The following GLIS1 variants were observed in gnomAD, a reference collection of about 807,000 sequenced individuals.
GLIS1 encodes the protein zinc finger protein GLIS1.
Under a neutral mutation model 63.8 loss-of-function variants are expected in GLIS1, and 24 were observed. The observed-to-expected ratio is 0.38, with a 90% CI of 0.27 to 0.53. GLIS1 has a LOEUF of 0.53. Ranked by LOEUF, GLIS1 falls within the 20% of genes least tolerant of loss-of-function variation. The pLI, the probability that GLIS1 is intolerant of heterozygous loss-of-function variation, is 0.85. For missense variants in GLIS1, 1,036 were observed against 1,074.1 expected, an observed-to-expected ratio of 0.96 and a Z score of 0.50; for synonymous variants, 450 against 482.5, an observed-to-expected ratio of 0.93 and a Z score of 0.88.
chr1:53,626,824 A>G (rs1645599199), intron 2 of GLIS1, among the ~76,000 whole-genome samples: 1 of 152,266 alleles, frequency 6.6e-6, no homozygotes. Context: ...GCCTGCAGAC[A>G]GAGCTGTGGC....
chr1:53,726,293 AG>A (rs1646805252), intron 2 of GLIS1, among the ~76,000 whole-genome samples: 1 of 152,148 alleles, frequency 6.6e-6, no homozygotes, highest in African/African-American at 2.4e-5. Context: ...CACATCATTT[AG>A]CTTCTCCAGG....
chr1:53,507,714 T>C (rs1644249870), intron 10 of GLIS1, among the ~76,000 whole-genome samples: 1 of 151,788 alleles, frequency 6.6e-6, no homozygotes, highest in Non-Finnish European at 1.5e-5. Flanking sequence ...GGGCCTGGAG[T>C]GGGCACTGGG....
At chr1:53,735,182 GA>G (rs1185031283) in intron 2 of GLIS1, among the ~76,000 whole-genome samples, 1 of 152,186 alleles carries the variant, frequency 6.6e-6, no homozygotes, top group African/African-American at 2.4e-5. Flanking sequence ...CAAAAGACCT[GA>G]AGCTTGGCAC....
At chr1:53,548,324 C>T (rs1431126339) in intron 4 of GLIS1, among the ~76,000 whole-genome samples, 3 of 152,226 alleles carry the variant, frequency 2.0e-5, no homozygotes, top group Non-Finnish European at 4.4e-5. Context: ...CCGGTCTGCA[C>T]ACAGCACTGA....
At chr1:53,686,119 C>A (rs72896795) in intron 2 of GLIS1, among the ~76,000 whole-genome samples, 1 of 152,180 alleles carries the variant, frequency 6.6e-6, no homozygotes. Context: ...ATCTCTCCCA[C>A]CAGACTGCAA....
intron 2 of GLIS1, among the ~76,000 whole-genome samples, chr1:53,710,148 G>C (rs181022986): frequency 1.3e-5 from 2 of 152,310 alleles, no homozygotes; most frequent in East Asian, 3.9e-4. Context: ...AGAATCCAGG[G>C]TGCTGCCCTA....
intron 2 of GLIS1, among the ~76,000 whole-genome samples, chr1:53,645,514 G>A (rs1320076346): frequency 6.6e-6 from 1 of 152,080 alleles, no homozygotes; most frequent in Non-Finnish European, 1.5e-5. Flanking sequence ...GACTCCTCCC[G>A]CTTACTCTCT....
chr1:53,555,305 C>T (rs111588246), intron 4 of GLIS1, among the ~76,000 whole-genome samples: 7,750 of 152,130 alleles, frequency 0.051, 665 homozygotes, highest in African/African-American at 0.18. Context: ...CCGAGGCGGG[C>T]GGATCACGAG....
At chr1:53,596,958 C>A (rs1485243338) in intron 3 of GLIS1, among the ~76,000 whole-genome samples, 1 of 151,886 alleles carries the variant, frequency 6.6e-6, no homozygotes, top group African/African-American at 2.4e-5. Context: ...AGTGGGAAGA[C>A]CAGGTCCCTG....
chr1:53,552,155 T>C (rs1178634825), intron 4 of GLIS1, among the ~76,000 whole-genome samples: 1 of 152,156 alleles, frequency 6.6e-6, no homozygotes, highest in Middle Eastern at 3.4e-3. Flanking sequence ...ACACACTGAC[T>C]GTCACAGAAG....
chr1:53,689,212 T>G (rs1646374938), intron 2 of GLIS1, among the ~76,000 whole-genome samples: 1 of 152,100 alleles, frequency 6.6e-6, no homozygotes, highest in Admixed American at 6.5e-5. Flanking sequence ...GAGTTTCAAT[T>G]CAGAGCAGTA....
At chr1:53,697,842 CT>C (rs1272553347) in intron 2 of GLIS1, among the ~76,000 whole-genome samples, 1 of 152,192 alleles carries the variant, frequency 6.6e-6, no homozygotes, top group Non-Finnish European at 1.5e-5. Flanking sequence ...GGTTAAGCAA[CT>C]TGCTAAAGTC....
At chr1:53,738,197 C>T in intron 1 of GLIS1, 91 bp from the exon 2 acceptor site, 2 of 704,674 alleles carry the variant, frequency 2.8e-6, no homozygotes, top group Non-Finnish European at 3.9e-6. Flanking sequence ...ACTGCCCCTT[C>T]GGTGGATTGC....
chr1:53,700,322 G>A (rs1646510065), intron 2 of GLIS1, among the ~76,000 whole-genome samples: 1 of 152,102 alleles, frequency 6.6e-6, no homozygotes, highest in Non-Finnish European at 1.5e-5. Context: ...CCTGTTTTCA[G>A]GTAAGGAAAC....
intron 2 of GLIS1, among the ~76,000 whole-genome samples, chr1:53,668,777 C>T (rs1444779628): frequency 1.3e-5 from 2 of 152,162 alleles, no homozygotes; most frequent in African/African-American, 4.8e-5. Flanking sequence ...CAGGCTATCC[C>T]ATCTAGGCGT....
intron 2 of GLIS1, among the ~76,000 whole-genome samples, chr1:53,696,603 CA>C (rs1445707205): frequency 6.6e-6 from 1 of 152,090 alleles, no homozygotes; most frequent in Non-Finnish European, 1.5e-5. Flanking sequence ...CAAACTCCCC[CA>C]CCCTCACCCC....
chr1:53,635,701 T>C (rs1200683803), intron 2 of GLIS1, among the ~76,000 whole-genome samples: 1 of 152,188 alleles, frequency 6.6e-6, no homozygotes, highest in Non-Finnish European at 1.5e-5. Context: ...GCTCTTGAAC[T>C]ACTGACAAAG....
intron 2 of GLIS1, among the ~76,000 whole-genome samples, chr1:53,604,853 A>G (rs996888869): frequency 2.0e-5 from 3 of 151,954 alleles, no homozygotes; most frequent in African/African-American, 4.8e-5. Context: ...CTTTGTGGGT[A>G]TATAGTCCCT....
Position 53,524,819 on chromosome 1 carries a change from G to A in GLIS1, c.1551C>T (p.His517=), listed in dbSNP as rs150012940. ...GCTCTTTGGCTGAATGGGCCTTGAC[G>A]TGCTTGCGGAGGGAGCTGGGGTCTG... ...RYTDPSSLRK[H]VKAHSAKEQQ... is the part of the protein sequence containing the mutation. The change falls in exon 6 of 11, where the codon CAC becomes CAT. Residue 517 remains histidine (H), a synonymous_variant. Coordinates refer to ENST00000628545, the MANE Select transcript of GLIS1 (RefSeq NM_001367484.1). 1.4e-4 allele frequency: 224 copies of A among 1,613,558 alleles called. No individual in the cohort carries two copies. The highest frequency in any genetic ancestry group is 6.1e-4 in the African/African-American group (46 of 75,048).
Sources: allele counts gnomAD v4.1 joint callset (sites outside exome capture counted in the v4.1 genomes callset), GRCh38; gene constraint gnomAD v4.1.1; transcripts MANE v1.5; gene names NCBI Gene and HGNC (gene_info 2026-07-23, HGNC 2026-07-21).